Variants in FERRY3 observed in about 807,000 individuals in gnomAD.
FERRY3 encodes protein C12orf4.
At chr12:4,519,026 G>C in the FERRY3 span, 2 of 499,066 alleles carry the variant, frequency 4.0e-6, no homozygotes, top group Non-Finnish European at 6.9e-6. This position sits in a 1 kb window ranked among gnomAD's most constrained non-coding sequence, Gnocchi z 4.3. Flanking sequence ...TGACAAGTAA[G>C]ACAGGTAAGC....
the FERRY3 span, chr12:4,530,049 G>T: frequency 6.2e-7 from 1 of 1,608,806 alleles, no homozygotes; most frequent in East Asian, 2.2e-5. Flanking sequence ...CTCTAACGTG[G>T]TCTACAAGAT....
At chr12:4,509,164 C>G in the FERRY3 span, 1 of 149,246 alleles carries the variant, frequency 6.7e-6, no homozygotes, top group Non-Finnish European at 1.5e-5. Context: ...CGAGTCACTC[C>G]CACCCGAATA....
chr12:4,530,166 A>G, the FERRY3 span: 2 of 844,472 alleles, frequency 2.4e-6, no homozygotes, highest in Admixed American at 3.0e-5. Flanking sequence ...AGACCCTCTT[A>G]TATATATATG....
chr12:4,532,728 A>C, the FERRY3 span, among the ~76,000 whole-genome samples: 3 of 152,012 alleles, frequency 2.0e-5, no homozygotes, highest in African/African-American at 7.2e-5. Context: ...TTTTTTTTTA[A>C]ATCAGCCATC....
the FERRY3 span, chr12:4,517,992 T>G: frequency 6.9e-7 from 1 of 1,452,870 alleles, no homozygotes; most frequent in Non-Finnish European, 9.5e-7. Flanking sequence ...CTGTAATTCC[T>G]TTCTTTGTAA....
the FERRY3 span, among the ~76,000 whole-genome samples, chr12:4,522,668 G>C: frequency 5.3e-5 from 8 of 152,238 alleles, no homozygotes; most frequent in Non-Finnish European, 1.0e-4. Context: ...TCCTAGGGGA[G>C]AGGGATTGCA....
the FERRY3 span, among the ~76,000 whole-genome samples, chr12:4,509,861 G>A: frequency 2.2e-5 from 3 of 139,372 alleles, no homozygotes; most frequent in African/African-American, 6.4e-5. Context: ...CCAAAGGAAC[G>A]CAGTTCCTCA....
the FERRY3 span, chr12:4,529,956 G>C: frequency 6.2e-7 from 1 of 1,613,524 alleles, no homozygotes; most frequent in Non-Finnish European, 8.5e-7. Context: ...ATTTAAGAGA[G>C]TTTCAGAGGC....
chr12:4,518,260 G>A, the FERRY3 span: 2 of 1,613,358 alleles, frequency 1.2e-6, no homozygotes, highest in East Asian at 2.2e-5. Context: ...GGGCTCCTGG[G>A]GGTAGGCAAT....
chr12:4,513,594 T>G, the FERRY3 span, among the ~76,000 whole-genome samples: 2 of 151,706 alleles, frequency 1.3e-5, no homozygotes, highest in African/African-American at 2.4e-5. Flanking sequence ...ACGCCACATA[T>G]CTACAATTAT....
chr12:4,505,124 ATTAAGT>A, the FERRY3 span, among the ~76,000 whole-genome samples: 2 of 152,330 alleles, frequency 1.3e-5, no homozygotes, highest in African/African-American at 2.4e-5. Context: ...CAACAAAATA[ATTAAGT>A]TTAACACTGG....
chr12:4,518,101 TA>T, the FERRY3 span: 28 of 1,613,844 alleles, frequency 1.7e-5, no homozygotes, highest in Non-Finnish European at 2.3e-5. Flanking sequence ...TATCTACTAG[TA>T]AAACCAGGCC....
the FERRY3 span, among the ~76,000 whole-genome samples, chr12:4,527,956 G>A: frequency 7.9e-5 from 12 of 152,022 alleles, no homozygotes; most frequent in East Asian, 1.9e-4. Flanking sequence ...TAATTAGCAC[G>A]TTAATTGAAC....
the FERRY3 span, among the ~76,000 whole-genome samples, chr12:4,512,297 A>C: frequency 4.0e-5 from 6 of 150,590 alleles, no homozygotes; most frequent in East Asian, 1.2e-3. Flanking sequence ...TCACAGCCGA[A>C]TTCTACCAGA....
At chr12:4,493,120 C>T in the FERRY3 span, among the ~76,000 whole-genome samples, 1 of 152,110 alleles carries the variant, frequency 6.6e-6, no homozygotes, top group Non-Finnish European at 1.5e-5. Flanking sequence ...ACAGTATTTC[C>T]TATTTTTCCA....
At chr12:4,514,180 C>G in the FERRY3 span, among the ~76,000 whole-genome samples, 1 of 151,324 alleles carries the variant, frequency 6.6e-6, no homozygotes, top group Non-Finnish European at 1.5e-5. Context: ...AAATGCAAAT[C>G]AAAACCACAA....
At chr12:4,495,506 G>A in the FERRY3 span, among the ~76,000 whole-genome samples, 1 of 152,130 alleles carries the variant, frequency 6.6e-6, no homozygotes, top group South Asian at 2.1e-4. Flanking sequence ...AGTCACAGGA[G>A]GACAACTAAT....
At chr12:4,501,281 C>T in the FERRY3 span, among the ~76,000 whole-genome samples, 7 of 152,188 alleles carry the variant, frequency 4.6e-5, no homozygotes, top group Non-Finnish European at 8.8e-5. Context: ...TACTTGTCCA[C>T]CTACATACCA....
the FERRY3 span, chr12:4,517,087 C>A: frequency 5.1e-6 from 8 of 1,572,548 alleles, no homozygotes; most frequent in Non-Finnish European, 6.0e-6. Flanking sequence ...TTTACTCCTG[C>A]GCTGGGTTCT....
Sources: gnomAD v4.1 joint callset for allele counts (sites outside exome capture counted in the v4.1 genomes callset) on GRCh38, gnomAD v4.1.1 for gene constraint, Gnocchi (gnomAD v3.1) non-coding constraint, MANE v1.5 for transcripts, NCBI Gene and HGNC (gene_info 2026-07-23, HGNC 2026-07-21) for gene names.